CDH23: variants seen among roughly 807,000 people sequenced by gnomAD.
The protein encoded by CDH23 is cadherin-23.
In CDH23, 189 loss-of-function variants were observed where a neutral mutation model predicts 317.1. The observed-to-expected ratio is 0.60, with a 90% CI of 0.53 to 0.67. The LOEUF is 0.67. CDH23 is among the 30% of genes least tolerant of loss of function. The probability of loss-of-function intolerance (pLI) is 0.00; values close to 1 mark genes in which losing one functional copy is unlikely to be tolerated. For missense variants in CDH23, 4,401 were observed against 4,592.4 expected (o/e 0.96, Z 1.20); for synonymous variants, 1,839 against 1,876.8 (o/e 0.98, Z 0.52).
intron 9 of CDH23, among the ~76,000 whole-genome samples, chr10:71,590,417 A>G (rs1211676889): frequency 6.6e-6 from 1 of 152,088 alleles, no homozygotes; most frequent in Non-Finnish European, 1.5e-5. Flanking sequence ...TCTGCTTTCT[A>G]TCTCACTGCC....
Position 71,677,599 on chromosome 10 carries a change from A to G in CDH23, c.1658A>G (p.Asp553Gly). ...GGCCGGGTCAGGATCAATGTGTTGG[A>G]TGTCAACGACAACGTGCCCACCTTC... is the stretch of plus-strand genomic sequence containing the variant. ...TTGRVRINVL[D>G]VNDNVPTFQK... Residue 553 changes from aspartate (D) to glycine (G), a missense_variant, in exon 16 of 70, where the codon GAT becomes GGT. By Grantham distance (94) the Asp-to-Gly change is moderately conservative (BLOSUM62 -1). Transcript: ENST00000224721. 6.2e-7 allele frequency: 1 copy of G among 1,607,160 alleles called. No homozygotes were observed. Among genetic ancestry groups the G allele is most frequent in the Non-Finnish European group, 8.5e-7 (1 of 1,177,140 alleles).
intron 6 of CDH23, among the ~76,000 whole-genome samples, chr10:71,518,830 G>A (rs1015224616): frequency 2.0e-5 from 3 of 152,162 alleles, no homozygotes; most frequent in Admixed American, 6.5e-5. Context: ...GCTCAGCCCA[G>A]CCACACACTC....
At position 71,415,292 on chromosome 10, in the gene CDH23, C is replaced by T. The variant is rs376897828; in HGVS notation, c.-6+17974C>T. Among the ~76,000 whole-genome samples the T allele has an allele frequency of 3.9e-5, 6 of 152,116 alleles. No individual in the cohort carries two copies. The East Asian group carries it at 9.7e-4, about 24-fold the overall frequency. ...TAAATTACTTGTAGAGATGAGGTCTCGCTGTGTTGCTTAGGCTATTCTTCA... is the reference window on the plus strand; with the variant it reads ...TAAATTACTTGTAGAGATGAGGTCTTGCTGTGTTGCTTAGGCTATTCTTCA... On this transcript the variant is annotated intron_variant, in intron 1 of 69. Transcript: ENST00000224721.
intron 12 of CDH23, among the ~76,000 whole-genome samples, chr10:71,644,999 C>T (rs559095886): frequency 2.0e-5 from 3 of 152,358 alleles, no homozygotes; most frequent in Non-Finnish European, 4.4e-5. Context: ...GAATCTCCCA[C>T]CTTCAGCCAT....
intron 38 of CDH23, among the ~76,000 whole-genome samples, chr10:71,744,248 GC>G (rs1189352170): frequency 6.6e-6 from 1 of 152,068 alleles, no homozygotes; most frequent in Admixed American, 6.5e-5. Flanking sequence ...TTGCCACACT[GC>G]CCTCCCCAAT....
intron 30 of CDH23, among the ~76,000 whole-genome samples, chr10:71,729,418 G>A (rs1387393743): frequency 6.6e-6 from 1 of 152,166 alleles, no homozygotes; most frequent in African/African-American, 2.4e-5. Context: ...GTCCCCCAGG[G>A]AGCCCTAAAG....
Position 71,584,542 on chromosome 10 carries a change from CTGTGTGTGTG to C in CDH23, c.832+6574_832+6583del, listed in dbSNP as rs138103081. Among the ~76,000 whole-genome samples the C allele has an allele frequency of 1.0e-4, 15 of 145,764 alleles. No individual in the cohort carries two copies. The East Asian group carries it at 1.6e-3, about 16-fold the overall frequency. ...TACACTGATTGCTTTGAAGGGAAGT[CTGTGTGTGTG>C]TGTGTGTGTGTGTGTGTGTGTGTAC... On this transcript the variant is annotated intron_variant, in intron 9 of 69. Transcript: ENST00000224721.
In CDH23 at chr10:71,731,855, C is replaced by G. The variant is rs1839401149; in HGVS notation, c.3716-132C>G. On this transcript the variant is annotated intron_variant, in intron 31 of 69. Coordinates refer to ENST00000224721, the MANE Select transcript of CDH23 (RefSeq NM_022124.6). Reference sequence around the variant, plus strand: ...CCTCTGCTGCATCTCTGAGGATGATCCTGCCGGCAGAGGTGGGGCAGCCCA... The same window carrying G: ...CCTCTGCTGCATCTCTGAGGATGATGCTGCCGGCAGAGGTGGGGCAGCCCA... 9.3e-6 allele frequency: 8 copies of G among 861,100 alleles called. No individual in the cohort carries two copies. The East Asian group carries it at 1.9e-4, about 20-fold the overall frequency. 53.3% of individuals were successfully genotyped at this position (861,100 alleles called of 1,614,324 possible).
chr10:71,601,209 A>G (rs1001259715), intron 9 of CDH23, among the ~76,000 whole-genome samples: 4 of 152,162 alleles, frequency 2.6e-5, no homozygotes, highest in Non-Finnish European at 4.4e-5. Flanking sequence ...GGAGTAGGAG[A>G]AGGAATATAG....
At chr10:71,440,748 T>C (rs1849835427) in intron 2 of CDH23, among the ~76,000 whole-genome samples, 1 of 152,270 alleles carries the variant, frequency 6.6e-6, no homozygotes, top group East Asian at 1.9e-4. Flanking sequence ...TGGGCTGCAC[T>C]GAAGGCAGGC....
chr10:71,573,616 G>C (rs753810045), intron 8 of CDH23, among the ~76,000 whole-genome samples: 2 of 152,168 alleles, frequency 1.3e-5, no homozygotes, highest in African/African-American at 4.8e-5. Context: ...TCTCTCAGAC[G>C]CAAGGATCTT....
At chr10:71,437,214 T>G (rs547853997) in intron 1 of CDH23, among the ~76,000 whole-genome samples, 9 of 152,276 alleles carry the variant, frequency 5.9e-5, no homozygotes, top group Non-Finnish European at 1.2e-4. Flanking sequence ...TATGGCAGCG[T>G]CTAGTAAAAG....
intron 14 of CDH23, among the ~76,000 whole-genome samples, chr10:71,666,396 C>T: frequency 6.6e-6 from 1 of 152,106 alleles, no homozygotes; most frequent in South Asian, 2.1e-4. Flanking sequence ...GAGCCATTTT[C>T]CTTCAAGCAC....
chr10:71,789,649 G>T (rs1252382230), intron 45 of CDH23, among the ~76,000 whole-genome samples: 1 of 152,202 alleles, frequency 6.6e-6, no homozygotes, highest in Non-Finnish European at 1.5e-5. Context: ...CTGTCTGTGT[G>T]TATGCTCACA....
chr10:71,766,157 A>G (rs1840539441), intron 38 of CDH23, among the ~76,000 whole-genome samples: 1 of 152,188 alleles, frequency 6.6e-6, no homozygotes, highest in African/African-American at 2.4e-5. Context: ...TGGCGAGAGG[A>G]TGTTGCTTAT....
chr10:71,617,405 GACAC>G lies in CDH23; in HGVS notation c.1134+14_1134+17del. ...TGGACAAGGATGAGGTGAGTCCCTG[GACAC>G]ATGGCCCATGCAGACCCACCACCCA... On this transcript the variant is annotated intron_variant, in intron 11 of 69. Transcript: ENST00000224721. The G allele has an allele frequency of 1.2e-6, 2 of 1,611,960 alleles. No homozygotes were observed. Among genetic ancestry groups the G allele is most frequent in the Non-Finnish European group, 1.7e-6 (2 of 1,179,768 alleles).
intron 1 of CDH23, among the ~76,000 whole-genome samples, chr10:71,420,413 ATGGTGATGG>A (rs1848705661): frequency 6.8e-6 from 1 of 147,394 alleles, no homozygotes; most frequent in Non-Finnish European, 1.5e-5. Flanking sequence ...GGTGATGATG[ATGGTGATGG>A]TGATGATGAT....
intron 1 of CDH23, among the ~76,000 whole-genome samples, chr10:71,427,102 G>A (rs757509500): frequency 5.4e-5 from 8 of 148,706 alleles, no homozygotes; most frequent in Non-Finnish European, 8.9e-5. Flanking sequence ...AGTGAGCTGT[G>A]ACTGCACCAC....
intron 3 of CDH23, among the ~76,000 whole-genome samples, chr10:71,490,968 C>G (rs1394961365): frequency 6.6e-6 from 1 of 152,060 alleles, no homozygotes. Context: ...TGAGATCACA[C>G]CTCTGCACTC....
Sources: gnomAD v4.1 joint callset for allele counts (sites outside exome capture counted in the v4.1 genomes callset) on GRCh38, gnomAD v4.1.1 for gene constraint, MANE v1.5 for transcripts, NCBI Gene and HGNC (gene_info 2026-07-23, HGNC 2026-07-21) for gene names.